The following DRC8 variants were observed in gnomAD, a reference collection of about 807,000 sequenced individuals.
The protein encoded by DRC8 is dynein regulatory complex protein 8.
chr1:245,075,783 C>T, the DRC8 span, among the ~76,000 whole-genome samples: 5 of 152,234 alleles, frequency 3.3e-5, no homozygotes, highest in African/African-American at 4.8e-5. Context: ...AAGAAACAAA[C>T]TAGACTTAAC....
At chr1:245,101,059 AT>A in the DRC8 span, among the ~76,000 whole-genome samples, 6 of 151,946 alleles carry the variant, frequency 3.9e-5, no homozygotes, top group Non-Finnish European at 8.8e-5. Context: ...TAACTTTTGT[AT>A]TTTTAGCAGA....
chr1:245,064,333 G>T, the DRC8 span, among the ~76,000 whole-genome samples: 1 of 152,184 alleles, frequency 6.6e-6, no homozygotes, highest in Admixed American at 6.5e-5. Context: ...TAAGAACTGG[G>T]CCAGGCTTAT....
the DRC8 span, among the ~76,000 whole-genome samples, chr1:245,035,728 A>C: frequency 6.6e-6 from 1 of 152,060 alleles, no homozygotes; most frequent in African/African-American, 2.4e-5. Flanking sequence ...TTAGCTGGGC[A>C]CGGTGGTACA....
chr1:244,989,821 A>G, the DRC8 span, among the ~76,000 whole-genome samples: 19 of 152,354 alleles, frequency 1.2e-4, no homozygotes, highest in Admixed American at 3.3e-4. Flanking sequence ...AGTTTCCTCT[A>G]TTCATGGTTT....
chr1:244,984,011 G>A, the DRC8 span, among the ~76,000 whole-genome samples: 1 of 151,870 alleles, frequency 6.6e-6, no homozygotes, highest in East Asian at 1.9e-4. Context: ...CTGGAGTGCA[G>A]TGGCCCAATC....
chr1:244,973,705 A>G, the DRC8 span, among the ~76,000 whole-genome samples: 19 of 152,220 alleles, frequency 1.2e-4, no homozygotes, highest in Admixed American at 1.1e-3. Context: ...TTGTAGAAAT[A>G]CACATATGTT....
the DRC8 span, chr1:244,970,250 G>T: frequency 1.6e-6 from 1 of 628,828 alleles, no homozygotes; most frequent in Non-Finnish European, 2.8e-6. Context: ...GGGACAGGGC[G>T]CGCGCTCGGA....
At chr1:245,040,461 A>G in the DRC8 span, among the ~76,000 whole-genome samples, 2 of 152,216 alleles carry the variant, frequency 1.3e-5, no homozygotes, top group East Asian at 3.8e-4. Context: ...GGATAGGACC[A>G]ATTTCCAATT....
chr1:245,043,005 T>C, the DRC8 span, among the ~76,000 whole-genome samples: 5 of 152,222 alleles, frequency 3.3e-5, no homozygotes, highest in African/African-American at 1.2e-4. Flanking sequence ...TTGCTCCAAA[T>C]AGTCTTACTC....
the DRC8 span, among the ~76,000 whole-genome samples, chr1:245,103,980 G>A: frequency 7.9e-5 from 12 of 152,312 alleles, no homozygotes; most frequent in East Asian, 2.3e-3. Flanking sequence ...GTTGCAGACG[G>A]AATACGCCGA....
At chr1:245,124,883 C>CCAAACT in the DRC8 span, 1 of 152,306 alleles carries the variant, frequency 6.6e-6, no homozygotes, top group Non-Finnish European at 1.5e-5. Context: ...AACCCCAGCC[C>CCAAACT]CAAACTCCTC....
chr1:245,039,683 T>TA, the DRC8 span, among the ~76,000 whole-genome samples: 2 of 152,182 alleles, frequency 1.3e-5, no homozygotes, highest in East Asian at 3.8e-4. Context: ...CTTGTCTCTT[T>TA]AGCCCTCCAG....
the DRC8 span, among the ~76,000 whole-genome samples, chr1:245,029,865 G>T: frequency 6.5e-4 from 99 of 152,264 alleles, no homozygotes; most frequent in East Asian, 0.018. Flanking sequence ...CAAAATGCTG[G>T]GATCACAAGC....
At chr1:245,015,886 G>T in the DRC8 span, among the ~76,000 whole-genome samples, 112,311 of 150,248 alleles carry the variant, frequency 0.75, 42,183 homozygotes, top group East Asian at 0.89. Context: ...CCGCATCACT[G>T]TGCTGCCTGG....
chr1:245,001,385 G>T, the DRC8 span, among the ~76,000 whole-genome samples: 30 of 152,152 alleles, frequency 2.0e-4, no homozygotes, highest in African/African-American at 7.0e-4. Flanking sequence ...CAAACTTGGT[G>T]GCTCATCAGA....
the DRC8 span, among the ~76,000 whole-genome samples, chr1:244,972,621 C>A: frequency 6.6e-6 from 1 of 152,116 alleles, no homozygotes; most frequent in East Asian, 1.9e-4. Flanking sequence ...GAGATCGAGA[C>A]CATCCTGGCC....
At chr1:245,087,450 G>A in the DRC8 span, 18 of 1,463,734 alleles carry the variant, frequency 1.2e-5, no homozygotes, top group African/African-American at 2.9e-5. Flanking sequence ...ATTCCTATAT[G>A]TGATATTTAA....
chr1:245,073,825 C>G, the DRC8 span, among the ~76,000 whole-genome samples: 1 of 152,074 alleles, frequency 6.6e-6, no homozygotes, highest in African/African-American at 2.4e-5. Context: ...ATGACAGGAT[C>G]GAATCCCTGC....
chr1:244,979,860 G>C, the DRC8 span, among the ~76,000 whole-genome samples: 1 of 151,670 alleles, frequency 6.6e-6, no homozygotes, highest in Non-Finnish European at 1.5e-5. Context: ...ATTTAGGATG[G>C]GTTAGGAGAT....
Sources: gnomAD v4.1 joint callset for allele counts (sites outside exome capture counted in the v4.1 genomes callset) on GRCh38, gnomAD v4.1.1 for gene constraint, MANE v1.5 for transcripts, NCBI Gene and HGNC (gene_info 2026-07-23, HGNC 2026-07-21) for gene names.